Variants in TMEM132D observed in about 807,000 individuals in gnomAD.
The protein encoded by TMEM132D is transmembrane protein 132D, also known as mature OL transmembrane protein.
Under a neutral mutation model 62.3 loss-of-function variants are expected in TMEM132D, and 21 were observed. The ratio of observed to expected loss-of-function variants is 0.34; its 90% CI spans 0.24 to 0.49. The LOEUF (loss-of-function observed/expected upper bound fraction) is 0.49, where lower values mean the gene tolerates loss of function less well. TMEM132D is among the 20% of genes least tolerant of loss of function. The pLI, the probability that TMEM132D is intolerant of heterozygous loss-of-function variation, is 0.99. For missense variants in TMEM132D, 1,346 were observed against 1,402.8 expected (o/e 0.96, Z 0.65); for synonymous variants, 621 against 575.6 (o/e 1.08, Z -1.13).
At chr12:129,449,351 T>A (rs953300931) in intron 3 of TMEM132D, among the ~76,000 whole-genome samples, 2 of 152,208 alleles carry the variant, frequency 1.3e-5, no homozygotes, top group Admixed American at 1.3e-4. Context: ...TGTTAAGGAA[T>A]GAATAATTAA....
intron 3 of TMEM132D, among the ~76,000 whole-genome samples, chr12:129,466,118 A>G (rs761947396): frequency 6.7e-6 from 1 of 150,198 alleles, no homozygotes; most frequent in Non-Finnish European, 1.5e-5. Context: ...AGTCATCACT[A>G]TAGATTTATT....
chr12:129,606,672 C>T (rs1565920488), intron 2 of TMEM132D, among the ~76,000 whole-genome samples: 1 of 152,058 alleles, frequency 6.6e-6, no homozygotes, highest in African/African-American at 2.4e-5. Flanking sequence ...ATAGGGAGAA[C>T]TCAGAACTAA....
intron 5 of TMEM132D, among the ~76,000 whole-genome samples, chr12:129,122,091 C>T (rs551878615): frequency 1.5e-3 from 222 of 152,316 alleles, no homozygotes; most frequent in African/African-American, 4.6e-3. Flanking sequence ...CAGAGCGATG[C>T]TGGGTGACCC....
chr12:129,608,926 T>C (rs1263183100), intron 2 of TMEM132D, among the ~76,000 whole-genome samples: 1 of 148,900 alleles, frequency 6.7e-6, no homozygotes, highest in Non-Finnish European at 1.5e-5. Flanking sequence ...GGGCTCTGAG[T>C]TGGGCCCTCA....
chr12:129,517,513 A>G (rs985722061), intron 3 of TMEM132D, among the ~76,000 whole-genome samples: 1 of 152,152 alleles, frequency 6.6e-6, no homozygotes, highest in South Asian at 2.1e-4. Context: ...TTCAGTGGGG[A>G]AGACATTAGC....
At chr12:129,852,199 GT>G (rs1405137436) in intron 1 of TMEM132D, 4 of 152,270 alleles carry the variant, frequency 2.6e-5, no homozygotes, top group Non-Finnish European at 5.9e-5. Context: ...ATGCAGAAGA[GT>G]TTACAAGTTT....
At chr12:129,775,902 A>G (rs926436198) in intron 1 of TMEM132D, among the ~76,000 whole-genome samples, 5 of 152,280 alleles carry the variant, frequency 3.3e-5, no homozygotes, top group African/African-American at 1.2e-4. Flanking sequence ...TCGTCTATCA[A>G]TAAGGAATTT....
chr12:129,092,234 G>T (rs1293866160), intron 5 of TMEM132D, among the ~76,000 whole-genome samples: 1 of 149,678 alleles, frequency 6.7e-6, no homozygotes, highest in Admixed American at 6.7e-5. Context: ...AATGCTGTAT[G>T]AATTTAAATC....
intron 4 of TMEM132D, among the ~76,000 whole-genome samples, chr12:129,212,818 A>G (rs1356378572): frequency 7.0e-6 from 1 of 143,254 alleles, no homozygotes; most frequent in Non-Finnish European, 1.5e-5. Flanking sequence ...AATAGCAGAG[A>G]ATAGGCTGGA....
At chr12:129,463,548 T>C (rs1169284843) in intron 3 of TMEM132D, among the ~76,000 whole-genome samples, 4 of 151,938 alleles carry the variant, frequency 2.6e-5, no homozygotes, top group Non-Finnish European at 5.9e-5. Flanking sequence ...TATGTATACA[T>C]GTGCCATGTT....
chr12:129,268,554 T>C, intron 4 of TMEM132D, among the ~76,000 whole-genome samples: 2 of 152,162 alleles, frequency 1.3e-5, no homozygotes, highest in Non-Finnish European at 2.9e-5. Flanking sequence ...GGAGAGGATG[T>C]GGAGAAATAG....
At chr12:129,815,223 G>A (rs901499879) in intron 1 of TMEM132D, among the ~76,000 whole-genome samples, 2 of 152,168 alleles carry the variant, frequency 1.3e-5, no homozygotes, top group East Asian at 3.9e-4. Context: ...TATTAAGAGA[G>A]TAATTTAGCT....
chr12:129,339,670 A>T (rs1199338753), intron 3 of TMEM132D, among the ~76,000 whole-genome samples: 5 of 152,188 alleles, frequency 3.3e-5, no homozygotes, highest in Admixed American at 1.3e-4. Flanking sequence ...TGGAATTAAG[A>T]TGCTAGAATG....
chr12:129,263,206 G>T (rs958689692), intron 4 of TMEM132D, among the ~76,000 whole-genome samples: 1 of 152,032 alleles, frequency 6.6e-6, no homozygotes, highest in Non-Finnish European at 1.5e-5. Flanking sequence ...AAGTCTGCTT[G>T]CTGTTCCTAA....
intron 1 of TMEM132D, among the ~76,000 whole-genome samples, chr12:129,803,645 C>G (rs1871873560): frequency 6.7e-6 from 1 of 150,166 alleles, no homozygotes; most frequent in Non-Finnish European, 1.5e-5. Context: ...AAAGCAAGAG[C>G]AAACACATTC....
intron 3 of TMEM132D, among the ~76,000 whole-genome samples, chr12:129,503,806 C>T (rs1345104910): frequency 6.6e-6 from 1 of 152,150 alleles, no homozygotes; most frequent in African/African-American, 2.4e-5. Flanking sequence ...TACATCTGAG[C>T]ATCTAATAAT....
At chr12:129,664,243 T>C (rs1047233904) in intron 2 of TMEM132D, among the ~76,000 whole-genome samples, 1 of 152,148 alleles carries the variant, frequency 6.6e-6, no homozygotes, top group Non-Finnish European at 1.5e-5. Context: ...AGCCTACAGC[T>C]CAGGCCACTG....
At position 129,235,494 on chromosome 12, in the gene TMEM132D, G is replaced by A. The variant is rs141754264; in HGVS notation, c.1300-25831C>T. 3.5e-4 allele frequency among the ~76,000 whole-genome samples: 53 copies of A among 151,946 alleles called. 1 individual carries two copies. The highest frequency in any genetic ancestry group is 9.7e-4 in the African/African-American group (40 of 41,424). The stretch of plus-strand genomic sequence containing the variant: ...GCCTTTTGTGACTTTCACTTAGCAC[G>A]ATGATGTTGAGATTAATCCTTGCTG... On this transcript the variant is annotated intron_variant, in intron 4 of 8. Coordinates refer to ENST00000422113, the MANE Select transcript of TMEM132D (RefSeq NM_133448.3).
chr12:129,234,677 C>T (rs1879732158), intron 4 of TMEM132D, among the ~76,000 whole-genome samples: 1 of 152,132 alleles, frequency 6.6e-6, no homozygotes, highest in African/African-American at 2.4e-5. Flanking sequence ...ATGCTAAGCT[C>T]ACAAAATCAC....
Sources: gnomAD v4.1 joint callset for allele counts (sites outside exome capture counted in the v4.1 genomes callset) on GRCh38, gnomAD v4.1.1 for gene constraint, MANE v1.5 for transcripts, NCBI Gene and HGNC (gene_info 2026-07-23, HGNC 2026-07-21) for gene names.